Variants in MRC1 observed in about 807,000 individuals in gnomAD.
MRC1 encodes the protein macrophage mannose receptor 1.
Under a neutral mutation model 102.9 loss-of-function variants are expected in MRC1, and 62 were observed. The observed-to-expected ratio is 0.60, with a 90% CI of 0.49 to 0.74. The LOEUF (loss-of-function observed/expected upper bound fraction) is 0.74, where lower values mean the gene tolerates loss of function less well. MRC1 is among the 30% of genes least tolerant of loss of function. The pLI is 0.00. For synonymous variants in MRC1, 457 were observed against 298.4 expected (o/e 1.53, Z -5.48); for missense variants, 1,237 against 862.8 (o/e 1.43, Z -5.43).
At chr10:17,896,006 G>C (rs1448448025) in intron 23 of MRC1, among the ~76,000 whole-genome samples, 1 of 152,174 alleles carries the variant, frequency 6.6e-6, no homozygotes. Context: ...CAGCAGTGGT[G>C]GGTGTGCCTT....
chr10:17,837,600 T>TTTTTA lies in MRC1; in HGVS notation c.803-3069_803-3065dup, dbSNP rs1345003988. Among the ~76,000 whole-genome samples the TTTTTA allele has an allele frequency of 2.4e-3, 362 of 151,898 alleles. 4 individuals carry two copies. The East Asian group carries it at 0.039, about 16-fold the overall frequency. ...GTGAGGGTTTTGAAAAGTCTGTATC[T>TTTTTA]TTTTATTTTATTTTATTTTATTTTA... On this transcript the variant is annotated intron_variant, in intron 4 of 29. Coordinates refer to ENST00000569591, the MANE Select transcript of MRC1 (RefSeq NM_002438.4).
At chr10:17,846,949 G>A (rs981083801) in intron 6 of MRC1, among the ~76,000 whole-genome samples, 18 of 152,192 alleles carry the variant, frequency 1.2e-4, no homozygotes, top group Non-Finnish European at 2.4e-4. Flanking sequence ...TCCTGGAAGT[G>A]GAATTGTTGG....
chr10:17,830,193 A>G (rs2130605805), intron 3 of MRC1, among the ~76,000 whole-genome samples: 1 of 151,360 alleles, frequency 6.6e-6, no homozygotes, highest in Non-Finnish European at 1.5e-5. Context: ...GTGCATTAGC[A>G]TGATCTTGGC....
chr10:17,810,702 C>T (rs2130564506), intron 1 of MRC1, among the ~76,000 whole-genome samples: 1 of 152,196 alleles, frequency 6.6e-6, no homozygotes, highest in East Asian at 1.9e-4. Flanking sequence ...CAGAGTATGA[C>T]CCATAGTAAG....
intron 3 of MRC1, among the ~76,000 whole-genome samples, chr10:17,829,508 C>T (rs1415489525): frequency 6.6e-6 from 1 of 151,494 alleles, no homozygotes; most frequent in Non-Finnish European, 1.5e-5. Context: ...TTCTATTTGT[C>T]TCTCTTATGT....
In MRC1 at chr10:17,855,443, C is replaced by T. The variant is rs976084297; in HGVS notation, c.1408-799C>T. On this transcript the variant is annotated intron_variant, in intron 8 of 29. Transcript: ENST00000569591. ...AAAATTAGCAGGGCGTGGTGGCAGG[C>T]GCCTGTAGTCCCAGCTACTCAGGAG... is the stretch of plus-strand genomic sequence containing the variant. Among the ~76,000 whole-genome samples the T allele has an allele frequency of 3.0e-4, 45 of 151,846 alleles. No individual in the cohort carries two copies. The South Asian group carries it at 4.2e-3, about 14-fold the overall frequency.
In MRC1 at chr10:17,906,950, A is replaced by G. The variant is rs1311427203; in HGVS notation, c.3864A>G (p.Pro1288=). The change falls in exon 27 of 30, where the codon CCA becomes CCG. Residue 1288 remains proline, a synonymous_variant. Transcript: ENST00000569591. ...GTTTTCTGTCATATCGGGTTGAGCC[A>G]CTTAAAAGTAAAACCAATTTTTGGA... ...ESSFLSYRVE[P]LKSKTNFWIG... 4.8e-6 allele frequency: 4 copies of G among 826,072 alleles called. No individual in the cohort carries two copies. Among genetic ancestry groups the G allele is most frequent in the Non-Finnish European group, 8.7e-6 (4 of 459,518 alleles). 51.2% of individuals were successfully genotyped at this position (826,072 alleles called of 1,614,324 possible). A position where few individuals can be genotyped will look rare whatever the true frequency, so the allele number is the denominator to read the frequency against.
chr10:17,864,533 T>G (rs529719293), intron 11 of MRC1, among the ~76,000 whole-genome samples: 2,266 of 152,106 alleles, frequency 0.015, 49 homozygotes, highest in African/African-American at 0.051. Flanking sequence ...GTATCTTCAT[T>G]TAAAAGAAGT....
chr10:17,878,398 A>G (rs1319682872), intron 18 of MRC1, among the ~76,000 whole-genome samples: 2 of 152,152 alleles, frequency 1.3e-5, no homozygotes, highest in East Asian at 1.9e-4. Flanking sequence ...TTTGAAGCAC[A>G]CTTTAAATCT....
intron 28 of MRC1, among the ~76,000 whole-genome samples, 167 bp from the exon 29 acceptor site, chr10:17,909,139 G>A (rs1158712503): frequency 3.3e-5 from 5 of 152,068 alleles, no homozygotes; most frequent in African/African-American, 1.2e-4. Context: ...TAAAGGTACA[G>A]ATCTTTTTTT....
At chr10:17,848,035 A>G (rs1055216593) in intron 6 of MRC1, among the ~76,000 whole-genome samples, 193 of 151,808 alleles carry the variant, frequency 1.3e-3, no homozygotes, top group Non-Finnish European at 2.1e-3. Flanking sequence ...TTTGAGCCTC[A>G]TGACTGAGTA....
At chr10:17,834,319 T>A (rs965117675) in intron 4 of MRC1, among the ~76,000 whole-genome samples, 1 of 152,202 alleles carries the variant, frequency 6.6e-6, no homozygotes, top group Non-Finnish European at 1.5e-5. Context: ...TAGCCTCCTG[T>A]CCCTCGAACC....
chr10:17,840,993 G>A (rs1228717516), intron 5 of MRC1, among the ~76,000 whole-genome samples, 187 bp downstream of exon 5: 1 of 152,186 alleles, frequency 6.6e-6, no homozygotes, highest in Non-Finnish European at 1.5e-5. Context: ...GGTTATACCA[G>A]CTTCCTGGGA....
At chr10:17,870,153 G>A (rs1224149748) in intron 12 of MRC1, 93 bp from the exon 13 acceptor site, 1 of 710,168 alleles carries the variant, frequency 1.4e-6, no homozygotes, top group African/African-American at 1.8e-5. Flanking sequence ...TTGTTTTTCT[G>A]TAAATGAACT....
rs1005509662 is a variant in MRC1, at chr10:17,812,323, G to T, written c.61+2797G>T. On this transcript the variant is annotated intron_variant, in intron 1 of 29. Transcript: ENST00000569591. ...GTAGATGCACCATGAGAGCCGGTGG[G>T]ACACAGAGGTTAGACCACAGCAAAG... 1.3e-4 allele frequency among the ~76,000 whole-genome samples: 20 copies of T among 152,232 alleles called. No individual in the cohort carries two copies. The South Asian group carries it at 4.2e-3, about 32-fold the overall frequency.
chr10:17,897,211 T>A (rs1003709250), intron 23 of MRC1, among the ~76,000 whole-genome samples: 1 of 152,220 alleles, frequency 6.6e-6, no homozygotes, highest in African/African-American at 2.4e-5. Flanking sequence ...GATTTCATCC[T>A]CTGGCTATTA....
intron 22 of MRC1, among the ~76,000 whole-genome samples, chr10:17,893,752 C>T (rs1833713581): frequency 6.6e-6 from 1 of 152,162 alleles, no homozygotes. Context: ...TCTGGCTATA[C>T]CAGCCACATA....
chr10:17,881,814 C>T (rs1833522955), intron 21 of MRC1, among the ~76,000 whole-genome samples: 1 of 137,762 alleles, frequency 7.3e-6, no homozygotes, highest in Non-Finnish European at 1.5e-5. Context: ...GGCCACAATG[C>T]TCGCCTAATA....
chr10:17,892,007 C>G (rs1394430718), intron 22 of MRC1, among the ~76,000 whole-genome samples: 2 of 152,128 alleles, frequency 1.3e-5, no homozygotes, highest in Non-Finnish European at 2.9e-5. Flanking sequence ...TTGGGTGAGA[C>G]AGGAAAGCTA....
Sources: gnomAD v4.1 joint callset for allele counts (sites outside exome capture counted in the v4.1 genomes callset) on GRCh38, gnomAD v4.1.1 for gene constraint, MANE v1.5 for transcripts, NCBI Gene and HGNC (gene_info 2026-07-23, HGNC 2026-07-21) for gene names.